LZTFL1: variants seen among roughly 807,000 people sequenced by gnomAD.
LZTFL1 encodes the protein leucine zipper transcription factor-like protein 1.
A neutral mutation model predicts 45.9 loss-of-function variants in LZTFL1; 25 were observed. The observed-to-expected ratio is 0.54, with a 90% confidence interval of 0.40 to 0.76. LZTFL1 has a LOEUF of 0.76. Ranked by LOEUF, LZTFL1 falls within the 30% of genes least tolerant of loss-of-function variation. The pLI is 0.00. For synonymous variants in LZTFL1, 93 were observed against 117.4 expected (o/e 0.79, Z 1.35); for missense variants, 277 against 331.1 (o/e 0.84, Z 1.27).
At chr3:45,890,256 G>GAAATATATATATATATATTTATAT (rs1402612474) in intron 2 of LZTFL1, among the ~76,000 whole-genome samples, 648 of 20,926 alleles carry the variant, frequency 0.031, 172 homozygotes, top group African/African-American at 0.1. Context: ...CTGGGTATTA[G>GAAATATATATATATATATTTATAT]AAATATATAT....
chr3:45,873,571 T>A (rs1218532943), intron 2 of LZTFL1, among the ~76,000 whole-genome samples: 1 of 152,230 alleles, frequency 6.6e-6, no homozygotes, highest in Non-Finnish European at 1.5e-5. Context: ...TACAGCCTTT[T>A]GTTTTTCCTG....
chr3:45,832,915 C>A, intron 5 of LZTFL1, 135 bp downstream of exon 5: 1 of 639,068 alleles, frequency 1.6e-6, no homozygotes, highest in South Asian at 1.9e-5. Flanking sequence ...CCATGGGGTA[C>A]CATCAAGTAA....
intron 2 of LZTFL1, among the ~76,000 whole-genome samples, chr3:45,907,819 G>A (rs983507078): frequency 1.3e-5 from 2 of 152,162 alleles, no homozygotes; most frequent in East Asian, 1.9e-4. Flanking sequence ...AAGCAGCCAC[G>A]GACTGTGCGT....
chr3:45,824,867 C>A lies in LZTFL1; in HGVS notation c.*1447G>T, dbSNP rs1049829195. 2.5e-6 allele frequency: 1 copy of A among 398,232 alleles called. No individual in the cohort carries two copies. The highest frequency in any genetic ancestry group is 4.4e-6 in the Non-Finnish European group (1 of 225,930). The allele number at this position is 398,232 out of a possible 1,614,324, so 24.7% of individuals were successfully genotyped here. ...AAAGGGCACAGAAACTGGTAAGTGA[C>A]CTAAATATGGAGAGACAGGTGAGGA... On this transcript the variant is annotated 3_prime_UTR_variant, in exon 10 of 10. Coordinates refer to ENST00000296135, the MANE Select transcript of LZTFL1 (RefSeq NM_020347.4).
intron 2 of LZTFL1, chr3:45,894,993 C>T (rs200492658): frequency 1.7e-5 from 28 of 1,601,970 alleles, no homozygotes; most frequent in Non-Finnish European, 2.2e-5. Context: ...TCAAAACACA[C>T]ACTCATCTTC....
In LZTFL1 at chr3:45,901,555, C is replaced by A. The variant is rs149823113; in HGVS notation, c.-215+11565G>T. 3.1e-6 allele frequency: 5 copies of A among 1,614,190 alleles called. No individual in the cohort carries two copies. The highest frequency in any genetic ancestry group is 1.7e-6 in the Non-Finnish European group (2 of 1,180,028). ...TCCAAGCACAAAGCCCTAAAAGTGA[C>A]CATCACTGTCCTGACCGTCTTTGTC... On this transcript the variant is annotated intron_variant, in intron 2 of 4. Coordinates refer to the LZTFL1 transcript ENST00000472635. This position sits in a 1 kb window ranked among gnomAD's most constrained non-coding sequence, Gnocchi z 4.3.
intron 1 of LZTFL1, among the ~76,000 whole-genome samples, chr3:45,840,564 G>T (rs189086014): frequency 7.2e-5 from 11 of 152,276 alleles, no homozygotes; most frequent in Admixed American, 7.2e-4. Context: ...ACAATGGGAG[G>T]TATCCAAGTG....
At chr3:45,912,847 C>T (rs34068335) in intron 2 of LZTFL1, among the ~76,000 whole-genome samples, 13,317 of 152,130 alleles carry the variant, frequency 0.088, 963 homozygotes, top group South Asian at 0.34. Context: ...ATTTAAGCCA[C>T]GGTTTTGAGG....
chr3:45,864,877 C>G lies in LZTFL1; in HGVS notation c.-214-5861G>C, dbSNP rs149508162. ...AAGAAACTCCCAGTTTTACTCATTT[C>G]CAGAGCTGAAAGTTGAAGAGTTGAA... On this transcript the variant is annotated intron_variant, in intron 2 of 4. Transcript: ENST00000472635. Among the ~76,000 whole-genome samples the G allele has an allele frequency of 8.5e-4, 130 of 152,268 alleles. 1 individual carries two copies. Among genetic ancestry groups the G allele is most frequent in the African/African-American group, 3.0e-3 (125 of 41,556 alleles).
At chr3:45,828,400 T>G in intron 8 of LZTFL1, 39 bp downstream of exon 8, 1 of 1,583,050 alleles carries the variant, frequency 6.3e-7, no homozygotes, top group South Asian at 1.1e-5. Context: ...GCATTAATCA[T>G]GCATTAACAG....
At chr3:45,879,588 T>C (rs906277791) in intron 2 of LZTFL1, among the ~76,000 whole-genome samples, 22 of 152,220 alleles carry the variant, frequency 1.4e-4, no homozygotes, top group African/African-American at 5.3e-4. Context: ...GGTGGATACA[T>C]GTCATACATT....
exon 4 of LZTFL1, chr3:45,855,054 G>T: frequency 8.5e-6 from 13 of 1,533,112 alleles, no homozygotes; most frequent in Non-Finnish European, 1.1e-5. Flanking sequence ...GGTACAACTT[G>T]ATGGATTTTC....
At chr3:45,906,992 TA>T (rs1702695645) in intron 2 of LZTFL1, among the ~76,000 whole-genome samples, 2 of 152,194 alleles carry the variant, frequency 1.3e-5, no homozygotes, top group Admixed American at 1.3e-4. Flanking sequence ...ATCCAGGCAT[TA>T]CTCACTGCTG....
chr3:45,871,432 C>T (rs1297039916), intron 2 of LZTFL1, among the ~76,000 whole-genome samples: 1 of 152,192 alleles, frequency 6.6e-6, no homozygotes, highest in East Asian at 1.9e-4. Flanking sequence ...CATTTTCCTA[C>T]TACTAGCTAG....
chr3:45,913,305 C>CTTT, intron 1 of LZTFL1: 37 of 523,528 alleles, frequency 7.1e-5, no homozygotes, highest in South Asian at 1.7e-4. Flanking sequence ...AGATCCTTAA[C>CTTT]TTTTTTTTTT....
chr3:45,885,133 C>T (rs1701946256), intron 2 of LZTFL1, among the ~76,000 whole-genome samples: 2 of 152,160 alleles, frequency 1.3e-5, no homozygotes, highest in African/African-American at 4.8e-5. Context: ...CTTTGCTCTA[C>T]GGGAACTGAG....
At chr3:45,907,054 G>T (rs145478050) in intron 2 of LZTFL1, among the ~76,000 whole-genome samples, 53 of 152,308 alleles carry the variant, frequency 3.5e-4, no homozygotes, top group Non-Finnish European at 6.3e-4. Flanking sequence ...GATCTCAAGG[G>T]GCATGCAGAC....
At chr3:45,841,909 G>C (rs1178101193) in intron 1 of LZTFL1, 80 bp downstream of exon 1, 3 of 1,547,622 alleles carry the variant, frequency 1.9e-6, no homozygotes, top group Admixed American at 1.8e-5. Flanking sequence ...TAATCATTCC[G>C]GGCCCACCCG....
intron 2 of LZTFL1, chr3:45,902,145 C>T (rs199683998): frequency 3.3e-5 from 14 of 428,602 alleles, no homozygotes; most frequent in Non-Finnish European, 4.3e-5. Context: ...GACTAAGGAC[C>T]GGCACTGTGG....
Sources: allele counts gnomAD v4.1 joint callset (sites outside exome capture counted in the v4.1 genomes callset), GRCh38; gene constraint gnomAD v4.1.1; non-coding constraint Gnocchi (gnomAD v3.1); transcripts MANE v1.5; gene names NCBI Gene and HGNC (gene_info 2026-07-23, HGNC 2026-07-21).